The following MALRD1 variants were observed in gnomAD, a reference collection of about 807,000 sequenced individuals.
The protein encoded by MALRD1 is MAM and LDL receptor class A domain containing 1.
MALRD1 carries 247 observed loss-of-function variants against 242.1 expected under a neutral mutation model. The ratio of observed to expected loss-of-function variants is 1.02; its 90% CI spans 0.92 to 1.13. MALRD1 has a LOEUF of 1.13. MALRD1 is among the 50% of genes most tolerant of loss of function. The pLI is 0.00. For missense variants in MALRD1, 2,989 were observed against 2,533.1 expected, an observed-to-expected ratio of 1.18 and a Z score of -3.86; for synonymous variants, 995 against 866.6, an observed-to-expected ratio of 1.15 and a Z score of -2.60.
chr10:19,413,269 A>G (rs898972826), intron 28 of MALRD1, among the ~76,000 whole-genome samples: 1 of 152,192 alleles, frequency 6.6e-6, no homozygotes, highest in African/African-American at 2.4e-5. Flanking sequence ...TGATTTGACC[A>G]TGATTATATT....
chr10:19,294,023 C>G (rs764981383), intron 21 of MALRD1, among the ~76,000 whole-genome samples: 1 of 152,058 alleles, frequency 6.6e-6, no homozygotes, highest in Non-Finnish European at 1.5e-5. Context: ...AGGTAGCATA[C>G]TTGCTGTACA....
chr10:19,108,387 C>CTTTTTTTTTTTTTTTTTTTTTTTT lies in MALRD1; in HGVS notation c.694+4327_694+4350dup, dbSNP rs35948766. Among the ~76,000 whole-genome samples the CTTTTTTTTTTTTTTTTTTTTTTTT allele has an allele frequency of 2.0e-4, 4 of 19,764 alleles. 2 individuals carry two copies. The highest frequency in any genetic ancestry group is 3.2e-4 in the Non-Finnish European group (4 of 12,506). The allele number at this position is 19,764 out of a possible 152,430, so 13.0% of individuals were successfully genotyped here. The stretch of plus-strand genomic sequence containing the variant: ...TTATTGAGCTCATGAATTGTTTTTT[C>CTTTTTTTTTTTTTTTTTTTTTTTT]TTTTTTTTTTTTTTTTTTTTTTTTT... On this transcript the variant is annotated intron_variant, in intron 5 of 39. Coordinates refer to ENST00000454679, the MANE Select transcript of MALRD1 (RefSeq NM_001142308.3).
intron 21 of MALRD1, among the ~76,000 whole-genome samples, chr10:19,314,609 A>G (rs1842559722): frequency 6.6e-6 from 1 of 151,678 alleles, no homozygotes; most frequent in Non-Finnish European, 1.5e-5. Context: ...CTTTATCTGT[A>G]GAACAGCAGT....
intron 21 of MALRD1, among the ~76,000 whole-genome samples, chr10:19,321,963 C>T (rs1473449355): frequency 6.6e-6 from 1 of 151,942 alleles, no homozygotes; most frequent in Admixed American, 6.6e-5. Flanking sequence ...TTATTCTAAG[C>T]AAGAGGTAGT....
rs1397848236 is a variant in MALRD1, at chr10:19,449,247, G to A, written c.4846-1060G>A. On this transcript the variant is annotated intron_variant, in intron 28 of 39. Coordinates refer to ENST00000454679, the MANE Select transcript of MALRD1 (RefSeq NM_001142308.3). ...GCTGGAGTGCAGTGGCGCGATCTCA[G>A]CTCACTGCAACGCCTGCCTCCTGGG... 5.3e-5 allele frequency among the ~76,000 whole-genome samples: 8 copies of A among 152,316 alleles called. No homozygotes were observed. In the East Asian group the frequency reaches 1.5e-3, roughly 29 times the overall value.
intron 28 of MALRD1, among the ~76,000 whole-genome samples, chr10:19,419,583 G>A (rs1319733124): frequency 6.6e-6 from 1 of 152,068 alleles, no homozygotes; most frequent in African/African-American, 2.4e-5. Flanking sequence ...GCCTCCCAAA[G>A]TGCTGGGATT....
chr10:19,732,995 C>T (rs915961283), intron 39 of MALRD1, among the ~76,000 whole-genome samples: 1 of 152,182 alleles, frequency 6.6e-6, no homozygotes, highest in Non-Finnish European at 1.5e-5. Context: ...GGCACATCTC[C>T]TGACCTTTGT....
chr10:19,496,109 A>G (rs1837707553), intron 30 of MALRD1, among the ~76,000 whole-genome samples: 1 of 152,160 alleles, frequency 6.6e-6, no homozygotes, highest in Admixed American at 6.5e-5. Flanking sequence ...TAGACTCCCA[A>G]ACAATAATAG....
intron 28 of MALRD1, among the ~76,000 whole-genome samples, chr10:19,408,482 A>G (rs1373531284): frequency 1.3e-5 from 2 of 152,188 alleles, no homozygotes; most frequent in East Asian, 3.8e-4. Context: ...GGAGTCATAT[A>G]TTCTATCCTT....
intron 26 of MALRD1, among the ~76,000 whole-genome samples, chr10:19,370,759 T>C (rs73593888): frequency 0.041 from 6,178 of 152,070 alleles, 211 homozygotes; most frequent in African/African-American, 0.092. Context: ...GTTTATTTTG[T>C]AGAGACTCGA....
intron 11 of MALRD1, among the ~76,000 whole-genome samples, chr10:19,148,788 A>AAAAATATATATATATATATATATATATAT (rs1206724666): frequency 1.5e-4 from 13 of 88,014 alleles, no homozygotes; most frequent in Non-Finnish European, 2.2e-4. Flanking sequence ...AAAAAAAAAA[A>AAAAATATATATATATATATATATATATAT]ATATATATAT....
At chr10:19,705,547 A>G (rs1381165040) in intron 38 of MALRD1, among the ~76,000 whole-genome samples, 3 of 152,094 alleles carry the variant, frequency 2.0e-5, no homozygotes, top group Non-Finnish European at 4.4e-5. Flanking sequence ...CGCTCTGACA[A>G]TCCTGCTAAA....
In MALRD1 at chr10:19,376,542, C is replaced by CTT. The variant is rs57836152; in HGVS notation, c.4442-10959_4442-10958dup. 1.3e-3 allele frequency among the ~76,000 whole-genome samples: 123 copies of CTT among 94,968 alleles called. 2 individuals carry two copies. The highest frequency in any genetic ancestry group is 3.8e-3 in the African/African-American group (97 of 25,254). The allele number at this position is 94,968 out of a possible 152,430, so 62.3% of individuals were successfully genotyped here. ...TTGAAAGTCAAGGAGTTGATACATTCTTTTTTTTTTTTTTTTTTTTTTTTT... is the reference window on the plus strand; with the variant it reads ...TTGAAAGTCAAGGAGTTGATACATTCTTTTTTTTTTTTTTTTTTTTTTTTTTT... On this transcript the variant is annotated intron_variant, in intron 26 of 39. Coordinates refer to ENST00000454679, the MANE Select transcript of MALRD1 (RefSeq NM_001142308.3).
chr10:19,729,921 T>C (rs949386383), intron 38 of MALRD1, among the ~76,000 whole-genome samples: 1 of 151,424 alleles, frequency 6.6e-6, no homozygotes, highest in Admixed American at 6.6e-5. Flanking sequence ...GTATTTTCAG[T>C]AGAGACGGGG....
chr10:19,517,871 G>A (rs1021043924), intron 31 of MALRD1, among the ~76,000 whole-genome samples: 2 of 152,190 alleles, frequency 1.3e-5, no homozygotes, highest in African/African-American at 4.8e-5. Context: ...AGGGTCATGG[G>A]AGGTTTCCTC....
intron 32 of MALRD1, among the ~76,000 whole-genome samples, chr10:19,555,901 T>C (rs1835696834): frequency 6.6e-6 from 1 of 152,088 alleles, no homozygotes; most frequent in Non-Finnish European, 1.5e-5. Flanking sequence ...ATAGAAAGCA[T>C]GACAGAGAGG....
intron 35 of MALRD1, among the ~76,000 whole-genome samples, chr10:19,608,222 A>G (rs775954132): frequency 1.3e-5 from 2 of 152,102 alleles, no homozygotes; most frequent in Non-Finnish European, 2.9e-5. Context: ...TTTCTATAAT[A>G]AGGAAACCCT....
At chr10:19,132,327 A>G (rs1183589904) in intron 8 of MALRD1, among the ~76,000 whole-genome samples, 1 of 152,214 alleles carries the variant, frequency 6.6e-6, no homozygotes, top group Non-Finnish European at 1.5e-5. Context: ...TCAACTTTTT[A>G]TAACTCCAGT....
At chr10:19,244,355 T>G (rs1838944793) in intron 18 of MALRD1, among the ~76,000 whole-genome samples, 1 of 152,110 alleles carries the variant, frequency 6.6e-6, no homozygotes, top group Admixed American at 6.6e-5. Flanking sequence ...GGTGGATTGC[T>G]TGAGTCTTGG....
Sources: allele counts gnomAD v4.1 joint callset (sites outside exome capture counted in the v4.1 genomes callset), GRCh38; gene constraint gnomAD v4.1.1; transcripts MANE v1.5; gene names NCBI Gene and HGNC (gene_info 2026-07-23, HGNC 2026-07-21).